The following PFDN1 variants were observed in gnomAD, a reference collection of about 807,000 sequenced individuals.
PFDN1 encodes the protein prefoldin 1.
Under a neutral mutation model 17.3 loss-of-function variants are expected in PFDN1, and 6 were observed. That is an observed-to-expected ratio of 0.35 (90% confidence interval 0.19 to 0.69). The LOEUF is 0.69. PFDN1 is among the 30% of genes least tolerant of loss of function. The probability of loss-of-function intolerance (pLI) is 0.65; values close to 1 mark genes in which losing one functional copy is unlikely to be tolerated. For synonymous variants in PFDN1, 58 were observed against 50.1 expected (o/e 1.16, Z -0.67); for missense variants, 113 against 146.2 (o/e 0.77, Z 1.17).
chr5:140,289,741 C>A (rs1054022170), intron 2 of PFDN1, among the ~76,000 whole-genome samples: 1 of 152,118 alleles, frequency 6.6e-6, no homozygotes, highest in African/African-American at 2.4e-5. Context: ...CAACATGGCC[C>A]AAATTAAACT....
chr5:140,286,030 G>A (rs186422669), intron 2 of PFDN1, among the ~76,000 whole-genome samples: 3 of 151,480 alleles, frequency 2.0e-5, no homozygotes, highest in Admixed American at 6.6e-5. Flanking sequence ...AAACCAAACC[G>A]AAATTTAAAA....
At chr5:140,275,801 T>A (rs1401049644) in intron 3 of PFDN1, among the ~76,000 whole-genome samples, 1 of 151,980 alleles carries the variant, frequency 6.6e-6, no homozygotes, top group African/African-American at 2.4e-5. Context: ...CTACACAAAC[T>A]GTGGGTAGAG....
chr5:140,292,616 T>G (rs931393814), intron 2 of PFDN1, among the ~76,000 whole-genome samples: 1 of 152,158 alleles, frequency 6.6e-6, no homozygotes, highest in African/African-American at 2.4e-5. Context: ...TCAAGACAAC[T>G]GATCTACTGC....
intron 3 of PFDN1, among the ~76,000 whole-genome samples, chr5:140,261,521 G>A (rs1032772966): frequency 7.2e-5 from 11 of 152,156 alleles, no homozygotes; most frequent in African/African-American, 2.4e-4. Context: ...CCCATAAAAG[G>A]ACCGGGAGAC....
chr5:140,287,622 T>C (rs990497024), intron 2 of PFDN1, among the ~76,000 whole-genome samples: 4 of 151,904 alleles, frequency 2.6e-5, no homozygotes, highest in Non-Finnish European at 4.4e-5. Flanking sequence ...GGTCAGGAAG[T>C]ACAGTAAAAA....
chr5:140,273,072 C>T (rs1765232534), intron 3 of PFDN1, among the ~76,000 whole-genome samples: 1 of 151,924 alleles, frequency 6.6e-6, no homozygotes, highest in African/African-American at 2.4e-5. Flanking sequence ...TGGTGAAACC[C>T]CATCTCTACT....
intron 3 of PFDN1, among the ~76,000 whole-genome samples, chr5:140,276,882 A>C (rs1007203403): frequency 1.3e-5 from 2 of 151,926 alleles, no homozygotes; most frequent in African/African-American, 4.8e-5. Context: ...GAGAGAAATA[A>C]ACAGAAATCA....
intron 3 of PFDN1, among the ~76,000 whole-genome samples, chr5:140,261,161 C>CAA (rs773165928): frequency 3.3e-4 from 16 of 47,948 alleles, no homozygotes; most frequent in East Asian, 3.1e-3. Context: ...GACTCCATCT[C>CAA]AAAAAAAAAA....
intron 3 of PFDN1, among the ~76,000 whole-genome samples, chr5:140,257,223 C>CAAAA (rs201028967): frequency 1.3e-5 from 1 of 75,024 alleles, no homozygotes; most frequent in Non-Finnish European, 2.8e-5. Context: ...AACTCCATCT[C>CAAAA]AAAAAAAAAA....
At chr5:140,288,610 T>G (rs568356391) in intron 2 of PFDN1, among the ~76,000 whole-genome samples, 3 of 152,076 alleles carry the variant, frequency 2.0e-5, no homozygotes, top group African/African-American at 7.3e-5. Context: ...GAAGAAACAG[T>G]GTGGGAGAGA....
chr5:140,281,228 T>C (rs919540299), intron 3 of PFDN1: 5 of 392,160 alleles, frequency 1.3e-5, no homozygotes, highest in Non-Finnish European at 1.8e-5. Flanking sequence ...CTCATCAAAA[T>C]TCTCTGCAGT....
chr5:140,255,893 G>C (rs1764978513), intron 3 of PFDN1, among the ~76,000 whole-genome samples: 1 of 152,008 alleles, frequency 6.6e-6, no homozygotes, highest in African/African-American at 2.4e-5. Context: ...TGCCTCCCCT[G>C]TCTTCCCTCC....
At chr5:140,285,175 C>T (rs1416713522) in intron 2 of PFDN1, among the ~76,000 whole-genome samples, 7 of 152,024 alleles carry the variant, frequency 4.6e-5, no homozygotes, top group Admixed American at 6.5e-5. Flanking sequence ...TGTCTAAAAA[C>T]GTATCCTATT....
At chr5:140,261,094 G>A (rs539273595) in intron 3 of PFDN1, among the ~76,000 whole-genome samples, 52 of 146,926 alleles carry the variant, frequency 3.5e-4, no homozygotes, top group Middle Eastern at 3.5e-3. Context: ...CTCAGGAGGC[G>A]GAAGTTACAA....
intron 2 of PFDN1, among the ~76,000 whole-genome samples, chr5:140,298,522 A>T (rs1174323372): frequency 6.6e-6 from 1 of 151,950 alleles, no homozygotes; most frequent in Admixed American, 6.6e-5. Flanking sequence ...CTGTAATGGA[A>T]TGTGACCTGT....
chr5:140,252,666 G>A (rs1219692655), intron 3 of PFDN1, among the ~76,000 whole-genome samples: 1 of 152,210 alleles, frequency 6.6e-6, no homozygotes, highest in Non-Finnish European at 1.5e-5. Flanking sequence ...CAATGGGGAT[G>A]TTTGGCAAGA....
chr5:140,299,478 T>C (rs1043524254), intron 2 of PFDN1, among the ~76,000 whole-genome samples: 98 of 151,706 alleles, frequency 6.5e-4, no homozygotes, highest in African/African-American at 2.3e-3. Context: ...CATGCGCCTG[T>C]AGTCCCAGCT....
At chr5:140,246,445 T>C (rs1223756569) in intron 3 of PFDN1, among the ~76,000 whole-genome samples, 2 of 152,240 alleles carry the variant, frequency 1.3e-5, no homozygotes, top group African/African-American at 2.4e-5. Flanking sequence ...AGGTTTTCCA[T>C]GGCCTGGGCC....
At chr5:140,262,556 T>A (rs1337158372) in intron 3 of PFDN1, 2 of 456,074 alleles carry the variant, frequency 4.4e-6, no homozygotes, top group African/African-American at 2.0e-5. Flanking sequence ...TTGAGTCCAC[T>A]GACCAGCCCT....
Sources: allele counts gnomAD v4.1 joint callset (sites outside exome capture counted in the v4.1 genomes callset), GRCh38; gene constraint gnomAD v4.1.1; transcripts MANE v1.5; gene names NCBI Gene and HGNC (gene_info 2026-07-23, HGNC 2026-07-21).